The following CASK variants were observed in gnomAD, a reference collection of about 807,000 sequenced individuals.
The protein encoded by CASK is calcium/calmodulin dependent serine protein kinase, also known as peripheral plasma membrane protein CASK.
A neutral mutation model predicts 82.9 loss-of-function variants in CASK; 4 were observed. The ratio of observed to expected loss-of-function variants is 0.05; its 90% confidence interval spans 0.02 to 0.11. CASK has a LOEUF of 0.11. Ranked by LOEUF, CASK falls within the 10% of genes least tolerant of loss-of-function variation. The pLI is 1.00. For synonymous variants in CASK, 259 were observed against 253.5 expected, an observed-to-expected ratio of 1.02 and a Z score of -0.20; for missense variants, 358 against 720.9, an observed-to-expected ratio of 0.50 and a Z score of 5.76.
chrX:41,786,902 G>A (rs5963276), intron 3 of CASK: 1 of 304,789 alleles, frequency 3.3e-6, no homozygotes, highest in Non-Finnish European at 5.8e-6. Context: ...GAAGTTTATA[G>A]TTTGGGGTCC....
At chrX:41,554,570 A>G (rs1486930610) in intron 20 of CASK, among the ~76,000 whole-genome samples, 2 of 112,186 alleles carry the variant, frequency 1.8e-5, no homozygotes, top group Non-Finnish European at 3.8e-5. Context: ...GCTTCCCCCA[A>G]TGTAACACTT....
chrX:41,606,206 TCTA>T (rs1243228236), intron 12 of CASK, among the ~76,000 whole-genome samples: 3 of 110,573 alleles, frequency 2.7e-5, no homozygotes, highest in Non-Finnish European at 5.7e-5. Context: ...GAGGGCACAT[TCTA>T]ATGATGGTTT....
chrX:41,847,732 A>AT (rs1326444702), intron 2 of CASK, among the ~76,000 whole-genome samples: 3 of 111,582 alleles, frequency 2.7e-5, no homozygotes, highest in Non-Finnish European at 3.8e-5. Context: ...TTGCTTAGTG[A>AT]TTTTTTGGGG....
chrX:41,667,527 G>A (rs2067135715), intron 6 of CASK, among the ~76,000 whole-genome samples: 1 of 111,803 alleles, frequency 8.9e-6, no homozygotes, highest in African/African-American at 3.2e-5. Flanking sequence ...CTCAGGGGGA[G>A]AATTGTTCTG....
intron 5 of CASK, among the ~76,000 whole-genome samples, chrX:41,738,504 A>G (rs1291247506): frequency 8.9e-6 from 1 of 112,469 alleles, no homozygotes; most frequent in African/African-American, 3.2e-5. Context: ...AACTACAAGG[A>G]TTTCTGTGAA....
At chrX:41,609,028 A>G (rs771380475) in intron 12 of CASK, among the ~76,000 whole-genome samples, 7 of 112,593 alleles carry the variant, frequency 6.2e-5, no homozygotes, top group Non-Finnish European at 1.1e-4. Context: ...TTATGTACAT[A>G]TAATTTATAA....
At chrX:41,651,372 CAAAT>C (rs1246188579) in intron 8 of CASK, among the ~76,000 whole-genome samples, 2 of 111,456 alleles carry the variant, frequency 1.8e-5, no homozygotes, top group East Asian at 2.8e-4. Flanking sequence ...GCAAAACAAA[CAAAT>C]AAAAAACAAA....
intron 14 of CASK, chrX:41,585,570 C>A (rs2065643512): frequency 9.2e-6 from 1 of 108,968 alleles, no homozygotes; most frequent in Non-Finnish European, 1.9e-5. Context: ...ACAGTGAAAC[C>A]CCGTCTCTAC....
rs199897009 is a variant in CASK, at chrX:41,657,781, G to A, written c.831+2658C>T. The stretch of plus-strand genomic sequence containing the variant: ...CAGGTTTGAAGACCAGAGGTATACT[G>A]TGAAATATATATTTGGTCCTCTAGC... On this transcript the variant is annotated intron_variant, in intron 8 of 26. Transcript: ENST00000378163. Among the ~76,000 whole-genome samples the A allele has an allele frequency of 2.7e-5, 3 of 111,427 alleles. No homozygotes were observed. The East Asian group carries it at 8.5e-4, about 31-fold the overall frequency.
chrX:41,740,423 A>C (rs1272047460), intron 4 of CASK, among the ~76,000 whole-genome samples: 2 of 108,889 alleles, frequency 1.8e-5, no homozygotes, highest in East Asian at 5.7e-4. Flanking sequence ...TCCAGATCTT[A>C]TATTTCTGAT....
intron 16 of CASK, among the ~76,000 whole-genome samples, chrX:41,565,355 GAA>G (rs1032701898): frequency 1.8e-5 from 2 of 111,296 alleles, no homozygotes; most frequent in Non-Finnish European, 1.9e-5. Context: ...TAATAAAGAA[GAA>G]AAGAGAGAAG....
chrX:41,628,148 C>A (rs2066411460), intron 9 of CASK, among the ~76,000 whole-genome samples: 1 of 112,605 alleles, frequency 8.9e-6, no homozygotes, highest in East Asian at 2.8e-4. Context: ...AGATCTAGAA[C>A]ATGAGCACAG....
At chrX:41,921,840 C>A (rs1285692821) in intron 1 of CASK, among the ~76,000 whole-genome samples, 1 of 86,447 alleles carries the variant, frequency 1.2e-5, no homozygotes, top group African/African-American at 4.6e-5. Context: ...CAACTGTGGA[C>A]CTTAAAATAG....
chrX:41,566,078 C>T (rs2065313662), intron 16 of CASK, among the ~76,000 whole-genome samples: 2 of 111,516 alleles, frequency 1.8e-5, no homozygotes, highest in African/African-American at 3.3e-5. Context: ...ATTGATGGAA[C>T]GTATCTCAAA....
chrX:41,713,042 C>A (rs1333661924), intron 5 of CASK, among the ~76,000 whole-genome samples: 3 of 111,894 alleles, frequency 2.7e-5, no homozygotes, highest in African/African-American at 9.8e-5. Flanking sequence ...ACTCCGCTCT[C>A]CTGCACGGCT....
intron 5 of CASK, among the ~76,000 whole-genome samples, chrX:41,722,953 G>A (rs2068193351): frequency 8.9e-6 from 1 of 111,877 alleles, no homozygotes. Context: ...TGAAGTAAAA[G>A]TGATGGGAAT....
intron 22 of CASK, among the ~76,000 whole-genome samples, chrX:41,536,403 C>T (rs1041714496): frequency 9.0e-6 from 1 of 110,858 alleles, no homozygotes; most frequent in African/African-American, 3.3e-5. Context: ...CCATCGTGCC[C>T]GGCCGAAATC....
intron 21 of CASK, among the ~76,000 whole-genome samples, chrX:41,551,990 G>C (rs764385112): frequency 9.4e-6 from 1 of 106,271 alleles, no homozygotes; most frequent in African/African-American, 3.4e-5. Context: ...GCAGTGGCGC[G>C]ATCACGGCTC....
intron 5 of CASK, among the ~76,000 whole-genome samples, chrX:41,694,691 G>T (rs188353811): frequency 9.0e-6 from 1 of 111,577 alleles, no homozygotes; most frequent in East Asian, 2.8e-4. Context: ...CAGCTAACTT[G>T]GTTTTGTTTG....
Sources: allele counts gnomAD v4.1 joint callset (sites outside exome capture counted in the v4.1 genomes callset), GRCh38; gene constraint gnomAD v4.1.1; transcripts MANE v1.5; gene names NCBI Gene and HGNC (gene_info 2026-07-23, HGNC 2026-07-21).